The following TTC6 variants were observed in gnomAD, a reference collection of about 807,000 sequenced individuals.
TTC6 encodes the protein tetratricopeptide repeat domain 6.
In TTC6, 172 loss-of-function variants were observed where a neutral mutation model predicts 210.4. That is an observed-to-expected ratio of 0.82 (90% CI 0.72 to 0.93). The LOEUF (loss-of-function observed/expected upper bound fraction) is 0.93. Ranked by LOEUF, TTC6 falls within the 40% of genes least tolerant of loss-of-function variation. The probability of loss-of-function intolerance (pLI) is 0.00; values close to 1 mark genes in which losing one functional copy is unlikely to be tolerated. For synonymous variants in TTC6, 804 were observed against 819.6 expected (o/e 0.98, Z 0.32); for missense variants, 2,414 against 2,318.1 (o/e 1.04, Z -0.85).
At chr14:37,621,113 C>T (rs1452617790), upstream of TTC6, among the ~76,000 whole-genome samples, 6 of 152,120 alleles carry the variant, frequency 3.9e-5, no homozygotes, top group Non-Finnish European at 7.3e-5. Context: ...GCTCAGGTGA[C>T]ACTTGGAGGG....
intron 1 of TTC6, among the ~76,000 whole-genome samples, chr14:37,630,930 TTTTTTTTTTTTTTTTTTG>T (rs1248393540): frequency 9.4e-6 from 1 of 106,242 alleles, no homozygotes; most frequent in African/African-American, 3.3e-5. Context: ...TTTTTTTTTT[TTTTTTTTTTTTTTTTTTG>T]CTTTCATTTG....
At chr14:37,798,228 G>A (rs2096097141) in intron 20 of TTC6, among the ~76,000 whole-genome samples, 1 of 152,042 alleles carries the variant, frequency 6.6e-6, no homozygotes, top group Non-Finnish European at 1.5e-5. Flanking sequence ...GTTTTAGGGA[G>A]AATTGACATC....
intron 1 of TTC6, among the ~76,000 whole-genome samples, chr14:37,638,928 A>G (rs2095686215): frequency 6.6e-6 from 1 of 152,344 alleles, no homozygotes; most frequent in African/African-American, 2.4e-5. Flanking sequence ...CCAACTCCCC[A>G]GACTAACCAA....
intron 1 of TTC6, among the ~76,000 whole-genome samples, chr14:37,653,058 A>G (rs1343136792): frequency 6.6e-6 from 1 of 152,254 alleles, no homozygotes; most frequent in Non-Finnish European, 1.5e-5. Flanking sequence ...ATTCAGACAC[A>G]TCAGGTAATC....
At chr14:37,757,574 T>C (rs1387274818) in intron 14 of TTC6, among the ~76,000 whole-genome samples, 3 of 152,084 alleles carry the variant, frequency 2.0e-5, no homozygotes, top group African/African-American at 4.8e-5. Flanking sequence ...CGCCTGGCCT[T>C]CTTCTTTATT....
exon 9 of TTC6, chr14:37,737,732 A>G: frequency 6.7e-7 from 1 of 1,486,592 alleles, no homozygotes; most frequent in Non-Finnish European, 9.0e-7. Context: ...TACACAACTA[A>G]GGGTATTATA....
In TTC6 at chr14:37,665,379, C is replaced by T. The variant is rs184614028; in HGVS notation, c.940-14772C>T. On this transcript the variant is annotated intron_variant, in intron 1 of 30. Coordinates refer to ENST00000553443, the Ensembl canonical transcript of TTC6. Reference sequence around the variant, plus strand: ...GGATGGAGTTGAAAGCCTTTATCCTCAGCAAACTAATGCAGGAACAGAAAA... The same window carrying T: ...GGATGGAGTTGAAAGCCTTTATCCTTAGCAAACTAATGCAGGAACAGAAAA... Among the ~76,000 whole-genome samples the T allele has an allele frequency of 6.0e-5, 9 of 150,610 alleles. 2 individuals are homozygous for T. The highest frequency in any genetic ancestry group is 5.3e-4 in the Admixed American group (8 of 15,124).
At chr14:37,701,385 C>G in exon 5 of TTC6, 1 of 1,527,314 alleles carries the variant, frequency 6.5e-7, no homozygotes, top group Non-Finnish European at 8.7e-7. Context: ...ACCACCATCC[C>G]AGCCCAGGAG....
chr14:37,773,997 AG>A (rs1411111040), intron 14 of TTC6, among the ~76,000 whole-genome samples: 1 of 151,968 alleles, frequency 6.6e-6, no homozygotes, highest in Non-Finnish European at 1.5e-5. Flanking sequence ...CTGTATTCCT[AG>A]GTGTTGTATT....
chr14:37,745,055 C>T lies in TTC6; in HGVS notation c.2364-3884C>T, dbSNP rs532151406. Among the ~76,000 whole-genome samples the T allele has an allele frequency of 5.5e-4, 83 of 151,962 alleles. 1 individual carries two copies. The highest frequency in any genetic ancestry group is 1.8e-3 in the African/African-American group (75 of 41,432). On this transcript the variant is annotated intron_variant, in intron 10 of 30. Transcript: ENST00000553443. ...ATACACACGTACACATATATATGTACGTACATATACATATGTGTGTGTGTA... is the reference window on the plus strand; with the variant it reads ...ATACACACGTACACATATATATGTATGTACATATACATATGTGTGTGTGTA...
intron 14 of TTC6, among the ~76,000 whole-genome samples, chr14:37,771,095 T>A (rs1485330108): frequency 1.3e-5 from 2 of 150,738 alleles, no homozygotes; most frequent in Non-Finnish European, 3.0e-5. Context: ...AATTCTGGGT[T>A]GAAAATTCTT....
At chr14:37,776,737 C>T (rs2096038711) in intron 14 of TTC6, among the ~76,000 whole-genome samples, 1 of 151,360 alleles carries the variant, frequency 6.6e-6, no homozygotes. Context: ...CAAAAAAATA[C>T]ACAACTTAGC....
chr14:37,810,719 C>T (rs2096127856), intron 24 of TTC6, among the ~76,000 whole-genome samples: 1 of 152,184 alleles, frequency 6.6e-6, no homozygotes, highest in African/African-American at 2.4e-5. Flanking sequence ...CCTGCCATCC[C>T]TAGCCTGAGA....
chr14:37,659,955 T>C (rs968385394), intron 1 of TTC6, among the ~76,000 whole-genome samples: 5 of 152,130 alleles, frequency 3.3e-5, no homozygotes, highest in African/African-American at 7.2e-5. Context: ...AGCCGTTTGC[T>C]TTTTCTTGGA....
rs1248503034 is a variant in TTC6, at chr14:37,817,561, T to G, written c.4690-17T>G. On this transcript the variant is annotated splice_polypyrimidine_tract_variant and intron_variant, in intron 25 of 30. Coordinates refer to ENST00000553443, the Ensembl canonical transcript of TTC6. ...ATAATGTTGCAAAATTAACAAAAGC[T>G]TATAACATTATTTCAGGATTTTAAA... The G allele has an allele frequency of 1.2e-6, 2 of 1,611,402 alleles. No homozygotes were observed. The highest frequency in any genetic ancestry group is 1.7e-6 in the Non-Finnish European group (2 of 1,179,082).
At chr14:37,796,903 T>G in exon 20 of TTC6, 1 of 1,606,812 alleles carries the variant, frequency 6.2e-7, no homozygotes, top group Non-Finnish European at 8.5e-7. Context: ...GATGACCATG[T>G]GTGCTCTATT....
chr14:37,830,880 A>C (rs1287892772), intron 29 of TTC6, among the ~76,000 whole-genome samples: 2 of 152,118 alleles, frequency 1.3e-5, no homozygotes, highest in African/African-American at 2.4e-5. Flanking sequence ...GTAATGATGA[A>C]ATCAAAGTAA....
chr14:37,606,190 G>C (rs1005072952), intron 1 of TTC6, among the ~76,000 whole-genome samples: 1 of 152,130 alleles, frequency 6.6e-6, no homozygotes, highest in Non-Finnish European at 1.5e-5. Context: ...GGCAATGGAA[G>C]GTGTCTCAAT....
chr14:37,632,410 G>A (rs529072264), intron 1 of TTC6, among the ~76,000 whole-genome samples: 3 of 152,266 alleles, frequency 2.0e-5, no homozygotes, highest in South Asian at 2.1e-4. Context: ...CTGGAGATCC[G>A]CTGCAGACTC....
Sources: gnomAD v4.1 joint callset for allele counts (sites outside exome capture counted in the v4.1 genomes callset) on GRCh38, gnomAD v4.1.1 for gene constraint, MANE v1.5 for transcripts, NCBI Gene and HGNC (gene_info 2026-07-23, HGNC 2026-07-21) for gene names.